Variants in SNRPN observed in about 807,000 individuals in gnomAD.
The protein encoded by SNRPN is small nuclear ribonucleoprotein polypeptide N.
Under a neutral mutation model 25.2 loss-of-function variants are expected in SNRPN, and 7 were observed. That is an observed-to-expected ratio of 0.28 (90% CI 0.16 to 0.52). The LOEUF (loss-of-function observed/expected upper bound fraction) is 0.52. Ranked by LOEUF, SNRPN falls within the 20% of genes least tolerant of loss-of-function variation. SNRPN has a pLI of 0.96. For synonymous variants in SNRPN, 124 were observed against 110.6 expected, an observed-to-expected ratio of 1.12 and a Z score of -0.76; for missense variants, 196 against 322.5, an observed-to-expected ratio of 0.61 and a Z score of 3.00.
In SNRPN at chr15:24,918,798, ATATATATAACAATATATATATG is replaced by A. The variant is rs2059788033; in HGVS notation, c.-504-1211_-504-1190del. Among the ~76,000 whole-genome samples the A allele has an allele frequency of 5.6e-5, 6 of 107,806 alleles. 1 individual carries two copies. In the Admixed American group the frequency reaches 6.0e-4, roughly 11 times the overall value. 70.7% of individuals were successfully genotyped at this position (107,806 alleles called of 152,430 possible). ...TAACATAATATATATGTGTGCATAT[ATATATATAACAATATATATATG>A]TGCGCATATATATAATATATATATG... On this transcript the variant is annotated intron_variant, in intron 2 of 11. Coordinates refer to the SNRPN transcript ENST00000400097.
chr15:24,905,604 C>T lies in SNRPN; in HGVS notation c.-504-14407C>T, dbSNP rs528320415. ...TTGCGTTTTGTTCATTAAGAATCAG[C>T]TGTAACATTTGTTGGGACTTGGTAG... is the stretch of plus-strand genomic sequence containing the variant. On this transcript the variant is annotated intron_variant, in intron 2 of 11. Coordinates refer to the SNRPN transcript ENST00000400097. Among the ~76,000 whole-genome samples, 13 of 151,956 alleles carry T rather than the reference C, an allele frequency of 8.6e-5. No homozygotes were observed. In the East Asian group the frequency reaches 2.5e-3, roughly 29 times the overall value.
chr15:24,942,248 C>A (rs1325340415), intron 3 of SNRPN: 1 of 152,208 alleles, frequency 6.6e-6, no homozygotes, highest in Non-Finnish European at 1.5e-5. Flanking sequence ...AGGGCTGCCA[C>A]TCCCATTTCT....
chr15:24,892,390 G>T (rs1011722382), intron 2 of SNRPN, among the ~76,000 whole-genome samples: 1 of 152,054 alleles, frequency 6.6e-6, no homozygotes, highest in Non-Finnish European at 1.5e-5. Context: ...AGAGTAGGAA[G>T]GAGGAACAGA....
chr15:24,935,204 T>G (rs1182629402), intron 3 of SNRPN, among the ~76,000 whole-genome samples: 4 of 151,182 alleles, frequency 2.6e-5, no homozygotes, highest in Non-Finnish European at 4.4e-5. Flanking sequence ...CCCGGGAGGT[T>G]GAGGTTGCAG....
chr15:24,974,206 G>A (rs982456989), intron 3 of SNRPN, 105 bp from the exon 4 acceptor site: 8 of 532,460 alleles, frequency 1.5e-5, no homozygotes, highest in Admixed American at 3.3e-5. Flanking sequence ...ATGAGAGGAA[G>A]GATGTTTTTG....
At chr15:24,827,515 CA>C (rs58393593) in intron 1 of SNRPN, among the ~76,000 whole-genome samples, 34,421 of 96,808 alleles carry the variant, frequency 0.36, 4,297 homozygotes, top group East Asian at 0.4. Flanking sequence ...GACTCTGTCT[CA>C]AAAAAAAAAA....
chr15:24,901,357 G>C (rs2058441004), intron 2 of SNRPN, among the ~76,000 whole-genome samples: 3 of 152,198 alleles, frequency 2.0e-5, no homozygotes, highest in African/African-American at 7.2e-5. Context: ...GAATGAAATA[G>C]ATGAGAAGCA....
chr15:24,923,501 A>G lies in SNRPN; in HGVS notation c.-391+3377A>G, dbSNP rs143332936. 5.0e-3 allele frequency among the ~76,000 whole-genome samples: 756 copies of G among 152,328 alleles called. 12 individuals carry two copies. The highest frequency in any genetic ancestry group is 6.0e-3 in the South Asian group (29 of 4,828). On this transcript the variant is annotated intron_variant, in intron 3 of 11. Transcript: ENST00000400097. ...GAGTAGGCCACGGAAAAGTACATGC[A>G]CAGTTGATGAAAAGACATGTATTTA...
At chr15:24,877,305 C>A (rs567682617) in intron 1 of SNRPN, among the ~76,000 whole-genome samples, 1 of 152,266 alleles carries the variant, frequency 6.6e-6, no homozygotes, top group African/African-American at 2.4e-5. Flanking sequence ...GCCTTAAAGT[C>A]ACCTTATTTG....
At chr15:24,834,454 A>G (rs1206168492) in intron 2 of SNRPN, among the ~76,000 whole-genome samples, 1 of 152,088 alleles carries the variant, frequency 6.6e-6, no homozygotes, top group Non-Finnish European at 1.5e-5. Flanking sequence ...TACAGCTCAG[A>G]CAGCAAATCA....
chr15:24,937,200 C>T (rs1000804843), intron 3 of SNRPN, among the ~76,000 whole-genome samples: 10 of 152,028 alleles, frequency 6.6e-5, no homozygotes, highest in Non-Finnish European at 1.2e-4. Flanking sequence ...GAGATCATGC[C>T]ACACCACTCC....
intron 2 of SNRPN, among the ~76,000 whole-genome samples, chr15:24,964,578 G>A (rs1364679907): frequency 6.6e-6 from 1 of 152,266 alleles, no homozygotes; most frequent in East Asian, 1.9e-4. Context: ...GATTACAGGT[G>A]TGAGCCACTG....
intron 1 of SNRPN, among the ~76,000 whole-genome samples, chr15:24,826,411 T>C (rs1224744274): frequency 6.6e-6 from 1 of 152,116 alleles, no homozygotes; most frequent in Admixed American, 6.5e-5. Flanking sequence ...CTCACATTCC[T>C]CAGGTATCAC....
chr15:24,930,210 CAAA>C (rs10554147), intron 3 of SNRPN, among the ~76,000 whole-genome samples: 5,094 of 93,850 alleles, frequency 0.054, 298 homozygotes, highest in African/African-American at 0.16. Context: ...CACCACAGTC[CAAA>C]AAAAAAAAAA....
chr15:24,947,331 A>G (rs934752553), intron 3 of SNRPN, among the ~76,000 whole-genome samples: 3 of 152,192 alleles, frequency 2.0e-5, no homozygotes, highest in African/African-American at 7.2e-5. Context: ...ATTATTTTGT[A>G]TTTAAAACAT....
intron 2 of SNRPN, among the ~76,000 whole-genome samples, chr15:24,840,274 C>G (rs1298309979): frequency 6.6e-6 from 1 of 152,180 alleles, no homozygotes; most frequent in East Asian, 1.9e-4. Context: ...AGGAGAATTG[C>G]TTGAACCCGG....
At chr15:24,904,565 G>A (rs1294541398) in intron 2 of SNRPN, among the ~76,000 whole-genome samples, 1 of 152,076 alleles carries the variant, frequency 6.6e-6, no homozygotes, top group Admixed American at 6.5e-5. Context: ...TGAAGCAGGA[G>A]AATCGCATGA....
chr15:24,917,785 G>A (rs114948084), intron 2 of SNRPN, among the ~76,000 whole-genome samples: 5,013 of 152,286 alleles, frequency 0.033, 275 homozygotes, highest in African/African-American at 0.11. Flanking sequence ...TGTGGATTTA[G>A]TTTTTTAAAA....
chr15:24,949,458 T>C (rs1233365155), intron 3 of SNRPN, among the ~76,000 whole-genome samples: 1 of 151,348 alleles, frequency 6.6e-6, no homozygotes, highest in African/African-American at 2.4e-5. Context: ...GAGACCTCTC[T>C]GGGCAACATA....
Sources: allele counts gnomAD v4.1 joint callset (sites outside exome capture counted in the v4.1 genomes callset), GRCh38; gene constraint gnomAD v4.1.1; transcripts MANE v1.5; gene names NCBI Gene and HGNC (gene_info 2026-07-23, HGNC 2026-07-21).